CENPL: variants seen among roughly 807,000 people sequenced by gnomAD.
CENPL encodes the protein interphase centromere complex protein 33.
Under a neutral mutation model 35.2 loss-of-function variants are expected in CENPL, and 20 were observed. The observed-to-expected ratio is 0.57, with a 90% CI of 0.40 to 0.83. CENPL has a LOEUF of 0.83. CENPL is among the 40% of genes least tolerant of loss of function. The probability of loss-of-function intolerance (pLI) is 0.00; values close to 1 mark genes in which losing one functional copy is unlikely to be tolerated. For missense variants in CENPL, 363 were observed against 395.8 expected (o/e 0.92, Z 0.70); for synonymous variants, 140 against 140.6 (o/e 1.00, Z 0.03).
Position 173,803,291 on chromosome 1 carries a change from G to A in CENPL, c.635C>T (p.Ala212Val). ...KTFDCYFSPLAINAFNLSWMA... is the reference protein window; with the variant it reads ...KTFDCYFSPLVINAFNLSWMA... ...CCAGGAAAGATTAAATGCATTGATT[G>A]CTAAAGGACTGAAATAACAGTCAAA... Residue 212 changes from alanine to valine, a missense_variant, in exon 5 of 6, where the codon GCA becomes GTA. Transcript: ENST00000682279. 6.2e-7 allele frequency: 1 copy of A among 1,613,092 alleles called. No homozygotes were observed. The highest frequency in any genetic ancestry group is 8.5e-7 in the Non-Finnish European group (1 of 1,179,026).
At position 173,800,490 on chromosome 1, in the gene CENPL, C is replaced by G; in HGVS notation, c.993G>C (p.Val331=). ...TTGCCAGTTCTGTCAAATATGCTAACACTCCAATAAGGTATTTATGACACA... is the reference window on the plus strand; with the variant it reads ...TTGCCAGTTCTGTCAAATATGCTAAGACTCCAATAAGGTATTTATGACACA... ...KILCHKYLIG[V]LAYLTELAIF... The change falls in exon 6 of 6, where the codon GTG becomes GTC. Residue 331 remains valine, a synonymous_variant. Transcript: ENST00000682279. 6.7e-7 allele frequency: 1 copy of G among 1,495,272 alleles called. No individual in the cohort carries two copies. The highest frequency in any genetic ancestry group is 2.3e-5 in the East Asian group (1 of 44,270). 92.6% of individuals were successfully genotyped at this position (1,495,272 alleles called of 1,614,324 possible).
intron 2 of CENPL, among the ~76,000 whole-genome samples, chr1:173,816,764 A>G (rs1273819348): frequency 6.6e-6 from 1 of 152,232 alleles, no homozygotes; most frequent in Non-Finnish European, 1.5e-5. Flanking sequence ...CAATCAGGAC[A>G]CAGGCATGGG....
At position 173,807,427 on chromosome 1, in the gene CENPL, T is replaced by C. The variant is rs199842348; in HGVS notation, c.260A>G (p.Asn87Ser). The change falls in exon 4 of 6, where the codon AAT (asparagine) becomes AGT (serine). Residue 87 changes from asparagine (N) to serine (S), a missense_variant. Physicochemically the swap from Asn to Ser is conservative, Grantham distance 46. Coordinates refer to ENST00000682279, the MANE Select transcript of CENPL (RefSeq NM_001387287.1). ...LTPLYKFSYS[N>S]LKEYSRLLNA... ...GAGAAGTCTAGAATACTCTTTGAGATTACTATAGGAGAATTTATATAAGGG... is the reference window on the plus strand; with the variant it reads ...GAGAAGTCTAGAATACTCTTTGAGACTACTATAGGAGAATTTATATAAGGG... 5.2e-5 allele frequency: 84 copies of C among 1,611,778 alleles called. No individual in the cohort carries two copies. Among genetic ancestry groups the C allele is most frequent in the Non-Finnish European group, 6.7e-5 (79 of 1,178,320 alleles).
chr1:173,805,261 G>C (rs1213736295), intron 4 of CENPL, among the ~76,000 whole-genome samples: 1 of 152,184 alleles, frequency 6.6e-6, no homozygotes, highest in African/African-American at 2.4e-5. Context: ...GCTCATGCCT[G>C]CAATCTCAGG....
chr1:173,803,727 G>A (rs1459557304), intron 4 of CENPL, among the ~76,000 whole-genome samples: 5 of 151,090 alleles, frequency 3.3e-5, no homozygotes, highest in Admixed American at 1.3e-4. Context: ...GCTGGAGTGC[G>A]GTGGCGTGAT....
At chr1:173,819,637 C>A (rs1203967808) in intron 2 of CENPL, among the ~76,000 whole-genome samples, 1 of 152,066 alleles carries the variant, frequency 6.6e-6, no homozygotes, top group African/African-American at 2.4e-5. Flanking sequence ...CACAATTACC[C>A]TTTTGAAAAG....
chr1:173,822,702 TAA>T (rs1242489853), intron 2 of CENPL: 1 of 152,192 alleles, frequency 6.6e-6, no homozygotes, highest in Non-Finnish European at 1.5e-5. Context: ...CCTTTACATC[TAA>T]AAAGTTAACT....
At chr1:173,815,510 T>C (rs1651278325) in intron 2 of CENPL, among the ~76,000 whole-genome samples, 1 of 152,192 alleles carries the variant, frequency 6.6e-6, no homozygotes, top group South Asian at 2.1e-4. Context: ...GCTTCGTTCC[T>C]AGGATGCGAG....
intron 5 of CENPL, among the ~76,000 whole-genome samples, chr1:173,801,730 G>T (rs1440718633): frequency 1.3e-5 from 2 of 152,134 alleles, no homozygotes; most frequent in African/African-American, 4.8e-5. Flanking sequence ...TGAGGCAGGA[G>T]AATCACTTAA....
intron 3 of CENPL, among the ~76,000 whole-genome samples, chr1:173,809,950 G>A (rs535743178): frequency 6.6e-6 from 1 of 152,306 alleles, no homozygotes; most frequent in South Asian, 2.1e-4. Flanking sequence ...AAGACTGTGT[G>A]GCAATTCCTC....
chr1:173,816,728 A>T (rs1651418044), intron 2 of CENPL, among the ~76,000 whole-genome samples: 2 of 152,146 alleles, frequency 1.3e-5, no homozygotes, highest in Admixed American at 1.3e-4. Flanking sequence ...AACCATAAAA[A>T]CCCTAGAAGA....
chr1:173,810,853 C>A (rs2102586153), intron 3 of CENPL, among the ~76,000 whole-genome samples: 1 of 152,170 alleles, frequency 6.6e-6, no homozygotes, highest in Non-Finnish European at 1.5e-5. Flanking sequence ...GGAGGCAGAG[C>A]TTGCAGTGAG....
Position 173,803,483 on chromosome 1 carries a change from G to A in CENPL, c.443C>T (p.Pro148Leu). 1 of 1,573,632 alleles carries A rather than the reference G, an allele frequency of 6.4e-7. No homozygotes were observed. The highest frequency in any genetic ancestry group is 8.6e-7 in the Non-Finnish European group (1 of 1,157,218). The change falls in exon 5 of 6, where the codon CCA becomes CTA. Residue 148 changes from proline to leucine, a missense_variant. Pro to Leu is a moderately conservative substitution (Grantham distance 98). Transcript: ENST00000682279. The part of the protein sequence containing the change: ...LVQIVSKSQL[P>L]SENREGKVLW... ...CACTTTACCTTCTCTATTCTCAGAT[G>A]GCAATTGAGATTTTGACACAATCTA...
At chr1:173,812,671 GT>G (rs1278400322) in intron 2 of CENPL, among the ~76,000 whole-genome samples, 2 of 152,132 alleles carry the variant, frequency 1.3e-5, no homozygotes, top group Non-Finnish European at 1.5e-5. Flanking sequence ...CCATCTGTAG[GT>G]CACCAACATC....
rs1302631465 is a variant in CENPL, at chr1:173,806,335, CA to C, written c.420+931del. ...GTGTGGTGGTTCATGCCTGTAATCCCAGCACTTTGGGAGGCCAAGGTGGGTG... is the reference window on the plus strand; with the variant it reads ...GTGTGGTGGTTCATGCCTGTAATCCCGCACTTTGGGAGGCCAAGGTGGGTG... On this transcript the variant is annotated intron_variant, in intron 4 of 5. Transcript: ENST00000682279. 9 of 310,986 alleles carry C rather than the reference CA, an allele frequency of 2.9e-5. No individual in the cohort carries two copies. In the East Asian group the frequency reaches 1.2e-3, roughly 42 times the overall value. 19.3% of individuals were successfully genotyped at this position (310,986 alleles called of 1,614,324 possible).
intron 3 of CENPL, among the ~76,000 whole-genome samples, chr1:173,809,258 G>A (rs1021514821): frequency 5.9e-5 from 9 of 151,990 alleles, no homozygotes; most frequent in East Asian, 1.9e-4. Context: ...CAGGAGAATC[G>A]CTTGAACCCA....
chr1:173,802,734 T>G (rs1355303097), intron 5 of CENPL, among the ~76,000 whole-genome samples: 5 of 152,192 alleles, frequency 3.3e-5, no homozygotes, highest in Non-Finnish European at 7.3e-5. Context: ...AAATAATAAT[T>G]CACATTATTA....
chr1:173,803,088 C>A lies in CENPL; in HGVS notation c.838G>T (p.Val280Phe). The change falls in exon 5 of 6, where the codon GTT becomes TTT. Residue 280 changes from valine (V) to phenylalanine (F), a missense_variant. By Grantham distance (50) the Val-to-Phe change is conservative (BLOSUM62 -1). Transcript: ENST00000682279. ...KTPGEVTQEEVDLFMDCLYSH... is the reference protein window; with the variant it reads ...KTPGEVTQEEFDLFMDCLYSH... ...TAAAGGCAATCCATGAATAGGTCAA[C>A]TTCTTCCTGGGTAACCTCCCCAGGT... 2 of 1,614,086 alleles carry A rather than the reference C, an allele frequency of 1.2e-6. No individual in the cohort carries two copies. The highest frequency in any genetic ancestry group is 2.2e-5 in the East Asian group (1 of 44,886).
At chr1:173,815,048 C>T (rs1172926044) in intron 2 of CENPL, among the ~76,000 whole-genome samples, 1 of 152,150 alleles carries the variant, frequency 6.6e-6, no homozygotes, top group Non-Finnish European at 1.5e-5. Flanking sequence ...TCAGAGAATA[C>T]TATAAACACC....
Sources: gnomAD v4.1 joint callset for allele counts (sites outside exome capture counted in the v4.1 genomes callset) on GRCh38, gnomAD v4.1.1 for gene constraint, MANE v1.5 for transcripts, NCBI Gene and HGNC (gene_info 2026-07-23, HGNC 2026-07-21) for gene names.